The following MAP3K13 variants were observed in gnomAD, a reference collection of about 807,000 sequenced individuals.
MAP3K13 encodes the protein leucine zipper-bearing kinase.
In MAP3K13, 52 loss-of-function variants were observed where a neutral mutation model predicts 104.0. That is an observed-to-expected ratio of 0.50 (90% CI 0.40 to 0.63). The LOEUF is 0.63. MAP3K13 is among the 20% of genes least tolerant of loss of function. The probability of loss-of-function intolerance (pLI) is 0.00; values close to 1 mark genes in which losing one functional copy is unlikely to be tolerated. For synonymous variants in MAP3K13, 394 were observed against 442.2 expected, an observed-to-expected ratio of 0.89 and a Z score of 1.37; for missense variants, 914 against 1,218.5, an observed-to-expected ratio of 0.75 and a Z score of 3.72.
intron 1 of MAP3K13, among the ~76,000 whole-genome samples, chr3:185,427,905 C>G (rs189581228): frequency 1.7e-3 from 261 of 152,010 alleles, no homozygotes; most frequent in Non-Finnish European, 2.7e-3. Flanking sequence ...ATACAGAAAC[C>G]CTGTCTCTAT....
chr3:185,381,203 G>T (rs1198795308), intron 1 of MAP3K13, among the ~76,000 whole-genome samples: 2 of 151,946 alleles, frequency 1.3e-5, no homozygotes, highest in Non-Finnish European at 2.9e-5. Flanking sequence ...CTCAAGTGAT[G>T]CACCCACCTC....
chr3:185,364,999 T>TA (rs984357355), intron 1 of MAP3K13, among the ~76,000 whole-genome samples: 12 of 152,302 alleles, frequency 7.9e-5, no homozygotes, highest in Middle Eastern at 3.4e-3. Context: ...TTAGGATATT[T>TA]AAAAAATGTT....
intron 1 of MAP3K13, among the ~76,000 whole-genome samples, chr3:185,363,747 C>T (rs1723744752): frequency 6.6e-6 from 1 of 152,258 alleles, no homozygotes; most frequent in Non-Finnish European, 1.5e-5. Context: ...CAAGACAGAG[C>T]AGGTTCTATC....
At chr3:185,327,961 G>A (rs1378720322) in intron 2 of MAP3K13, among the ~76,000 whole-genome samples, 1 of 146,840 alleles carries the variant, frequency 6.8e-6, no homozygotes, top group African/African-American at 2.5e-5. Flanking sequence ...GAGGGAGGGA[G>A]GGAGGGAAGA....
chr3:185,308,289 T>C (rs1212299980), intron 2 of MAP3K13, among the ~76,000 whole-genome samples: 4 of 152,124 alleles, frequency 2.6e-5, no homozygotes, highest in Non-Finnish European at 5.9e-5. Context: ...GTTTCTTTTT[T>C]AGGCACTTGC....
chr3:185,439,426 GACAA>G (rs1046826398), intron 3 of MAP3K13, among the ~76,000 whole-genome samples: 2 of 152,002 alleles, frequency 1.3e-5, no homozygotes, highest in African/African-American at 4.8e-5. Flanking sequence ...CAAGCAGACA[GACAA>G]ACAGAGACCC....
chr3:185,321,699 G>A (rs1721875066), intron 2 of MAP3K13, among the ~76,000 whole-genome samples: 1 of 152,160 alleles, frequency 6.6e-6, no homozygotes, highest in Non-Finnish European at 1.5e-5. Context: ...TGCCTCCTGG[G>A]TTCAAGCAAT....
intron 2 of MAP3K13, among the ~76,000 whole-genome samples, chr3:185,310,403 C>T (rs1340906021): frequency 1.3e-5 from 2 of 151,906 alleles, no homozygotes; most frequent in Non-Finnish European, 2.9e-5. Context: ...AGAGATAAAG[C>T]AATCAACAGA....
intron 1 of MAP3K13, among the ~76,000 whole-genome samples, chr3:185,426,799 T>C (rs1714446770): frequency 6.6e-6 from 1 of 152,082 alleles, no homozygotes; most frequent in Non-Finnish European, 1.5e-5. Flanking sequence ...ATGCCTACAC[T>C]TCCTTCAAAT....
rs1722558266 is a variant in MAP3K13, at chr3:185,337,603, A to G, written c.-86+51960A>G. Among the ~76,000 whole-genome samples the G allele has an allele frequency of 8.5e-5, 13 of 152,228 alleles. 1 individual carries two copies. In the South Asian group the frequency reaches 2.5e-3, roughly 29 times the overall value. ...AAAATGGGTGTTTAGAAGATGAGAA[A>G]TTCCACAGAAGGCATATAGGGGGTT... On this transcript the variant is annotated intron_variant, in intron 2 of 14. Transcript: ENST00000424227.
intron 2 of MAP3K13, among the ~76,000 whole-genome samples, chr3:185,309,299 G>C (rs1721413370): frequency 6.6e-6 from 1 of 152,182 alleles, no homozygotes; most frequent in Non-Finnish European, 1.5e-5. Context: ...CTTCAGCCCA[G>C]GAGTTTAAGA....
chr3:185,465,866 A>G lies in MAP3K13; in HGVS notation c.1505+3A>G. The G allele has an allele frequency of 1.3e-6, 2 of 1,595,888 alleles. No homozygotes were observed. The highest frequency in any genetic ancestry group is 1.7e-6 in the Non-Finnish European group (2 of 1,163,364). On this transcript the variant is annotated splice_donor_region_variant and intron_variant, in intron 9 of 13. Transcript: ENST00000265026. ...ATGCGGGAGAAGGAGCTCATTAAGT[A>G]TGTATCCAGACTAGTGTCTGTTCTT...
At chr3:185,401,345 C>T (rs919798148) in intron 1 of MAP3K13, among the ~76,000 whole-genome samples, 1 of 152,112 alleles carries the variant, frequency 6.6e-6, no homozygotes, top group Non-Finnish European at 1.5e-5. Context: ...CGTGTGGGAG[C>T]AGGTGAGTGA....
intron 1 of MAP3K13, among the ~76,000 whole-genome samples, chr3:185,381,921 C>T (rs1724740758): frequency 1.3e-5 from 2 of 152,362 alleles, no homozygotes; most frequent in Non-Finnish European, 1.5e-5. Context: ...TCAATATTCA[C>T]TAGTTCAGTG....
chr3:185,340,915 T>C (rs1443077566), intron 2 of MAP3K13, among the ~76,000 whole-genome samples: 1 of 152,162 alleles, frequency 6.6e-6, no homozygotes, highest in Non-Finnish European at 1.5e-5. Flanking sequence ...CATCTTTCCT[T>C]TATAAATGAT....
At position 185,455,532 on chromosome 3, in the gene MAP3K13, A is replaced by ATATATAT. The variant is rs1473879835; in HGVS notation, c.1278+4137_1278+4138insTATATAT. ...ATATGAGATATATATGATATATATG[A>ATATATAT]GATATATATGACATATATATGATAT... On this transcript the variant is annotated intron_variant, in intron 7 of 13. Transcript: ENST00000265026. 4.5e-4 allele frequency among the ~76,000 whole-genome samples: 14 copies of ATATATAT among 31,030 alleles called. 3 individuals carry two copies. The South Asian group carries it at 7.4e-3, about 16-fold the overall frequency. The allele number at this position is 31,030 out of a possible 152,430, so 20.4% of individuals were successfully genotyped here.
chr3:185,427,001 A>T (rs1267523717), intron 1 of MAP3K13, among the ~76,000 whole-genome samples: 1 of 152,144 alleles, frequency 6.6e-6, no homozygotes, highest in Non-Finnish European at 1.5e-5. Flanking sequence ...CTTAGTACAG[A>T]GTGAAGGAAG....
intron 2 of MAP3K13, among the ~76,000 whole-genome samples, chr3:185,325,859 C>CT (rs1722027073): frequency 6.6e-6 from 1 of 152,246 alleles, no homozygotes; most frequent in African/African-American, 2.4e-5. Context: ...TTTGGCCACA[C>CT]TGGCCTTCGT....
chr3:185,382,732 C>T (rs913869353), intron 1 of MAP3K13, among the ~76,000 whole-genome samples: 3 of 152,104 alleles, frequency 2.0e-5, no homozygotes, highest in Admixed American at 6.5e-5. Flanking sequence ...CGGCCGGGCG[C>T]GGTGGCTCAT....
Sources: allele counts gnomAD v4.1 joint callset (sites outside exome capture counted in the v4.1 genomes callset), GRCh38; gene constraint gnomAD v4.1.1; transcripts MANE v1.5; gene names NCBI Gene and HGNC (gene_info 2026-07-23, HGNC 2026-07-21).